KIF21A: variants seen among roughly 807,000 people sequenced by gnomAD.
The protein encoded by KIF21A is kinesin family member 21A, also known as kinesin-like protein KIF21A.
A neutral mutation model predicts 202.9 loss-of-function variants in KIF21A; 114 were observed. That is an observed-to-expected ratio of 0.56 (90% CI 0.48 to 0.66). The LOEUF (loss-of-function observed/expected upper bound fraction) is 0.66. Ranked by LOEUF, KIF21A falls within the 30% of genes least tolerant of loss-of-function variation. The pLI is 0.00. For missense variants in KIF21A, 1,677 were observed against 1,994.9 expected, an observed-to-expected ratio of 0.84 and a Z score of 3.04; for synonymous variants, 667 against 670.8, an observed-to-expected ratio of 0.99 and a Z score of 0.09.
At chr12:39,383,430 A>G (rs1950745201) in intron 1 of KIF21A, among the ~76,000 whole-genome samples, 1 of 152,242 alleles carries the variant, frequency 6.6e-6, no homozygotes, top group African/African-American at 2.4e-5. Context: ...TGATATCCTA[A>G]ATGACAGATA....
Position 39,345,179 on chromosome 12 carries a change from G to T in KIF21A, c.1712+1287C>A, listed in dbSNP as rs56224231. On this transcript the variant is annotated intron_variant, in intron 12 of 37. Coordinates refer to ENST00000361418, the MANE Select transcript of KIF21A (RefSeq NM_001173464.2). ...ACCACTCTGCTTTTGCTGTCCTTCA[G>T]GGATCATGTAAAGATGGGAGTAAAC... 3.7e-3 allele frequency among the ~76,000 whole-genome samples: 561 copies of T among 152,286 alleles called. 3 individuals are homozygous for T. Among genetic ancestry groups the T allele is most frequent in the African/African-American group, 0.013 (531 of 41,560 alleles).
intron 16 of KIF21A, among the ~76,000 whole-genome samples, chr12:39,338,112 G>T (rs1461838554): frequency 6.6e-6 from 1 of 152,184 alleles, no homozygotes; most frequent in East Asian, 1.9e-4. Flanking sequence ...ACAGCTCCAT[G>T]TGTGTTAATG....
At chr12:39,429,669 G>A (rs899186011) in intron 1 of KIF21A, among the ~76,000 whole-genome samples, 9 of 151,950 alleles carry the variant, frequency 5.9e-5, no homozygotes, top group Non-Finnish European at 1.0e-4. Context: ...TCCACTTCAC[G>A]GATAAAGAAA....
Position 39,442,808 on chromosome 12 carries a change from C to T in KIF21A, c.44+119G>A. 7.8e-7 allele frequency: 1 copy of T among 1,285,932 alleles called. No individual in the cohort carries two copies. The highest frequency in any genetic ancestry group is 1.1e-6 in the Non-Finnish European group (1 of 936,486). 79.7% of individuals were successfully genotyped at this position (1,285,932 alleles called of 1,614,324 possible). A position where few individuals can be genotyped will look rare whatever the true frequency, so the allele number is the denominator to read the frequency against. On this transcript the variant is annotated intron_variant, in intron 1 of 37. Coordinates refer to ENST00000361418, the MANE Select transcript of KIF21A (RefSeq NM_001173464.2). This position sits in a 1 kb window ranked among gnomAD's most constrained non-coding sequence, Gnocchi z 5.0. ...GCCTCAGTTTCCTCAGCCGCAGAAC[C>T]CGGCCGGGACGCCCCTCAGGTCGCT...
intron 1 of KIF21A, among the ~76,000 whole-genome samples, chr12:39,399,669 T>C (rs748885014): frequency 3.3e-5 from 5 of 152,194 alleles, no homozygotes; most frequent in Non-Finnish European, 5.9e-5. Context: ...AACCCAAAGC[T>C]GCTCAGCAGG....
intron 1 of KIF21A, among the ~76,000 whole-genome samples, chr12:39,420,966 T>G (rs539285258): frequency 6.6e-6 from 1 of 151,382 alleles, no homozygotes; most frequent in African/African-American, 2.4e-5. Context: ...TAAAGTGAAG[T>G]GAAAAATGAA....
chr12:39,403,133 T>A (rs1413709121), intron 1 of KIF21A, among the ~76,000 whole-genome samples: 1 of 151,926 alleles, frequency 6.6e-6, no homozygotes, highest in Non-Finnish European at 1.5e-5. Flanking sequence ...CAAACACCCC[T>A]TGACAAAAAA....
At chr12:39,343,426 C>A (rs1947620499) in intron 12 of KIF21A, among the ~76,000 whole-genome samples, 1 of 151,848 alleles carries the variant, frequency 6.6e-6, no homozygotes, top group Non-Finnish European at 1.5e-5. Flanking sequence ...TCAAATAATG[C>A]AATATTCTAA....
intron 8 of KIF21A, among the ~76,000 whole-genome samples, chr12:39,357,691 C>T (rs1036172480): frequency 6.6e-6 from 1 of 151,650 alleles, no homozygotes; most frequent in African/African-American, 2.4e-5. Context: ...GGGCAGATCA[C>T]GTGAGGTCAG....
chr12:39,296,228 C>T (rs1366956913), intron 37 of KIF21A, among the ~76,000 whole-genome samples: 4 of 151,464 alleles, frequency 2.6e-5, no homozygotes, highest in Non-Finnish European at 4.4e-5. Flanking sequence ...ACCACCATGG[C>T]TGGCTAATTT....
intron 7 of KIF21A, 119 bp from the exon 8 acceptor site, chr12:39,358,492 G>A (rs1948964327): frequency 2.2e-6 from 2 of 929,734 alleles, no homozygotes; most frequent in African/African-American, 1.6e-5. Context: ...AAAATATTGA[G>A]CAAATTTAAA....
At position 39,337,128 on chromosome 12, in the gene KIF21A, C is replaced by T. The variant is rs373936264; in HGVS notation, c.2386G>A (p.Ala796Thr). ...LTESRRNREI[A>T]QLKKDQRKRD... ...TTACGTTGATCCTTTTTCAACTGAG[C>T]AATCTCTCTGTTTCTTCTAGACTCA... is the stretch of plus-strand genomic sequence containing the variant. The change falls in exon 17 of 38, where the codon GCT (alanine) becomes ACT (threonine). Residue 796 changes from alanine to threonine, a missense_variant. Ala to Thr is a moderately conservative substitution (Grantham distance 58). Coordinates refer to ENST00000361418, the MANE Select transcript of KIF21A (RefSeq NM_001173464.2). 6.2e-7 allele frequency: 1 copy of T among 1,610,630 alleles called. No individual in the cohort carries two copies. The highest frequency in any genetic ancestry group is 8.5e-7 in the Non-Finnish European group (1 of 1,177,932).
intron 7 of KIF21A, among the ~76,000 whole-genome samples, chr12:39,361,376 C>A (rs542271349): frequency 6.6e-6 from 1 of 152,016 alleles, no homozygotes; most frequent in African/African-American, 2.4e-5. Flanking sequence ...ATATAGAACA[C>A]AAGAAATATA....
chr12:39,352,036 C>A (rs1948429885), intron 10 of KIF21A, 56 bp from the exon 11 acceptor site: 2 of 1,235,598 alleles, frequency 1.6e-6, no homozygotes, highest in East Asian at 2.3e-5. Context: ...GATAAAAATA[C>A]ATAACATAAA....
intron 12 of KIF21A, among the ~76,000 whole-genome samples, chr12:39,345,367 TA>T (rs1166022745): frequency 6.6e-6 from 1 of 152,110 alleles, no homozygotes; most frequent in Non-Finnish European, 1.5e-5. Context: ...TTGTCCTAAA[TA>T]TGTATTGCTT....
chr12:39,296,949 G>A (rs1248885961), intron 37 of KIF21A, among the ~76,000 whole-genome samples: 1 of 152,160 alleles, frequency 6.6e-6, no homozygotes, highest in East Asian at 1.9e-4. Context: ...CTACATATGA[G>A]CAAAGGACTT....
At chr12:39,408,167 GAC>G (rs1248586705) in intron 1 of KIF21A, among the ~76,000 whole-genome samples, 1 of 152,122 alleles carries the variant, frequency 6.6e-6, no homozygotes, top group Non-Finnish European at 1.5e-5. Context: ...TTTCGTGGAA[GAC>G]AGTTTTTCCA....
At chr12:39,371,669 C>T (rs1949963263) in intron 1 of KIF21A, among the ~76,000 whole-genome samples, 1 of 152,074 alleles carries the variant, frequency 6.6e-6, no homozygotes, top group Admixed American at 6.6e-5. Context: ...AGGCCAGGCA[C>T]AGTAACACGC....
Position 39,346,478 on chromosome 12 carries a change from C to T in KIF21A, c.1700G>A (p.Arg567Gln), listed in dbSNP as rs1258642320. 3 of 1,476,160 alleles carry T rather than the reference C, an allele frequency of 2.0e-6. No homozygotes were observed. The highest frequency in any genetic ancestry group is 2.2e-5 in the Admixed American group (1 of 44,536). 91.4% of individuals were successfully genotyped at this position (1,476,160 alleles called of 1,614,324 possible). ...GAAATATTCCAACCTTCTTTCTTCT[C>T]GATTGCTTTCCTCAAGTTTCTGTAG... is the stretch of plus-strand genomic sequence containing the variant. ...KRLQKLEESNREERSVAGKED... is the reference protein window; with the variant it reads ...KRLQKLEESNQEERSVAGKED... Residue 567 changes from arginine (R) to glutamine (Q), a missense_variant, in exon 12 of 38, where the codon CGA becomes CAA. By Grantham distance (43) the Arg-to-Gln change is conservative (BLOSUM62 1). Around this residue, in one of 3 missense-constraint regions of KIF21A, gnomAD observed 966 missense variants for 1,180.9 expected, o/e 0.82. Coordinates refer to ENST00000361418, the MANE Select transcript of KIF21A (RefSeq NM_001173464.2).
Sources: gnomAD v4.1 joint callset for allele counts (sites outside exome capture counted in the v4.1 genomes callset) on GRCh38, gnomAD v4.1.1 for gene constraint, gnomAD v4.1.1 regional missense constraint, Gnocchi (gnomAD v3.1) non-coding constraint, MANE v1.5 for transcripts, NCBI Gene and HGNC (gene_info 2026-07-23, HGNC 2026-07-21) for gene names.